Variants in C8orf34 observed in about 807,000 individuals in gnomAD.
C8orf34 encodes the protein uncharacterized protein C8orf34.
In C8orf34, 65 loss-of-function variants were observed where a neutral mutation model predicts 68.3. The ratio of observed to expected loss-of-function variants is 0.95; its 90% CI spans 0.78 to 1.17. The LOEUF (loss-of-function observed/expected upper bound fraction) is 1.17, where lower values mean the gene tolerates loss of function less well. C8orf34 is among the 50% of genes most tolerant of loss of function. The pLI, the probability that C8orf34 is intolerant of heterozygous loss-of-function variation, is 0.00. For synonymous variants in C8orf34, 244 were observed against 241.2 expected, an observed-to-expected ratio of 1.01 and a Z score of -0.11; for missense variants, 664 against 655.4, an observed-to-expected ratio of 1.01 and a Z score of -0.14.
chr8:68,427,941 T>A (rs1031836399), intron 1 of C8orf34, among the ~76,000 whole-genome samples: 8 of 147,962 alleles, frequency 5.4e-5, no homozygotes, highest in Non-Finnish European at 1.2e-4. Flanking sequence ...TCATCCTTAT[T>A]ATATATAATA....
chr8:68,791,961 T>C (rs1340217494), intron 12 of C8orf34: 2 of 152,246 alleles, frequency 1.3e-5, no homozygotes, highest in Non-Finnish European at 2.9e-5. Flanking sequence ...CTCTCAGCTC[T>C]GTACTTTGGT....
intron 12 of C8orf34, among the ~76,000 whole-genome samples, chr8:68,807,728 A>G (rs1248106861): frequency 6.6e-6 from 1 of 152,198 alleles, no homozygotes; most frequent in African/African-American, 2.4e-5. Flanking sequence ...AGATAATTTG[A>G]GGCCTAGGAT....
At chr8:68,555,887 C>T (rs575404944) in intron 7 of C8orf34, among the ~76,000 whole-genome samples, 2 of 152,116 alleles carry the variant, frequency 1.3e-5, no homozygotes, top group Admixed American at 6.5e-5. Flanking sequence ...CAGATTTACA[C>T]TATTACCCTA....
At chr8:68,727,361 G>A (rs998444781) in intron 10 of C8orf34, among the ~76,000 whole-genome samples, 1 of 152,150 alleles carries the variant, frequency 6.6e-6, no homozygotes, top group African/African-American at 2.4e-5. Context: ...GGCTTTGCAG[G>A]GCACACCCTC....
chr8:68,355,707 T>C (rs1806717342), intron 1 of C8orf34, among the ~76,000 whole-genome samples: 1 of 152,136 alleles, frequency 6.6e-6, no homozygotes, highest in Non-Finnish European at 1.5e-5. Context: ...AGAGCAGTAC[T>C]GGGCAGGGCA....
chr8:68,494,947 C>A (rs567779160), intron 5 of C8orf34, among the ~76,000 whole-genome samples: 2 of 150,502 alleles, frequency 1.3e-5, no homozygotes, highest in East Asian at 3.9e-4. Flanking sequence ...TATTTGTGTG[C>A]GTGTATATGT....
chr8:68,550,699 CT>C lies in C8orf34; in HGVS notation c.1105+17557del, dbSNP rs1289669772. Among the ~76,000 whole-genome samples, 4 of 151,446 alleles carry C rather than the reference CT, an allele frequency of 2.6e-5. No homozygotes were observed. The East Asian group carries it at 5.8e-4, about 22-fold the overall frequency. On this transcript the variant is annotated intron_variant, in intron 7 of 13. Transcript: ENST00000518698. ...TCAATTTTAATTGGTCTAAGAAAGTCTTTTTTTCTCCTTCAGTTTTAAAGGA... is the reference window on the plus strand; with the variant it reads ...TCAATTTTAATTGGTCTAAGAAAGTCTTTTTTCTCCTTCAGTTTTAAAGGA...
At chr8:68,740,144 A>G (rs1007940723) in intron 10 of C8orf34, among the ~76,000 whole-genome samples, 1 of 152,330 alleles carries the variant, frequency 6.6e-6, no homozygotes, top group East Asian at 1.9e-4. Flanking sequence ...TCAAAATTAT[A>G]AAAATTCTGG....
chr8:68,592,542 G>GT (rs1470219722), intron 7 of C8orf34, among the ~76,000 whole-genome samples: 3 of 143,330 alleles, frequency 2.1e-5, no homozygotes, highest in Non-Finnish European at 4.6e-5. Flanking sequence ...ACTTCTGTTA[G>GT]TTTTTTTCTG....
intron 5 of C8orf34, among the ~76,000 whole-genome samples, chr8:68,515,452 T>C (rs1814471067): frequency 1.3e-5 from 2 of 151,954 alleles, no homozygotes; most frequent in African/African-American, 4.8e-5. Context: ...ATCAGCAAGA[T>C]TGGCCTGTGT....
chr8:68,766,942 G>T (rs529886346), intron 10 of C8orf34, among the ~76,000 whole-genome samples: 1 of 152,310 alleles, frequency 6.6e-6, no homozygotes, highest in Non-Finnish European at 1.5e-5. Context: ...CTGGCACTTT[G>T]GGAGGCTGAG....
At chr8:68,484,754 C>T (rs1227615288) in intron 4 of C8orf34, among the ~76,000 whole-genome samples, 1 of 152,060 alleles carries the variant, frequency 6.6e-6, no homozygotes. Context: ...CATTAAAATT[C>T]TTTCATCTGC....
At chr8:68,688,884 T>C (rs1820605180) in intron 8 of C8orf34, among the ~76,000 whole-genome samples, 1 of 151,982 alleles carries the variant, frequency 6.6e-6, no homozygotes, top group African/African-American at 2.4e-5. Flanking sequence ...AGTTGGGGCT[T>C]AATACCTACG....
At chr8:68,461,194 A>AT (rs1261554996) in intron 3 of C8orf34, among the ~76,000 whole-genome samples, 1 of 152,260 alleles carries the variant, frequency 6.6e-6, no homozygotes, top group Admixed American at 6.5e-5. Flanking sequence ...CGTATCAGTG[A>AT]TGGAAGACGA....
At chr8:68,712,703 C>T (rs1238096157) in intron 9 of C8orf34, among the ~76,000 whole-genome samples, 5 of 152,044 alleles carry the variant, frequency 3.3e-5, no homozygotes, top group Non-Finnish European at 5.9e-5. Context: ...ACAGTTACCA[C>T]TAGATCTAAG....
intron 1 of C8orf34, among the ~76,000 whole-genome samples, chr8:68,400,549 GTC>G (rs1808905634): frequency 6.6e-6 from 1 of 151,996 alleles, no homozygotes; most frequent in African/African-American, 2.4e-5. Context: ...TGATCTATGT[GTC>G]TGTTTGTCTG....
At chr8:68,711,606 C>T (rs1023875861) in intron 9 of C8orf34, among the ~76,000 whole-genome samples, 1 of 151,944 alleles carries the variant, frequency 6.6e-6, no homozygotes, top group Non-Finnish European at 1.5e-5. Context: ...TTAACCCAAT[C>T]CATCAAAGAC....
intron 10 of C8orf34, among the ~76,000 whole-genome samples, chr8:68,759,212 A>G (rs1020226980): frequency 1.3e-5 from 2 of 152,178 alleles, no homozygotes; most frequent in African/African-American, 2.4e-5. Context: ...CATTTTACTT[A>G]CAGGAAGAAA....
intron 7 of C8orf34, among the ~76,000 whole-genome samples, chr8:68,616,471 G>A (rs1451368463): frequency 3.3e-5 from 5 of 152,178 alleles, no homozygotes; most frequent in African/African-American, 4.8e-5. Flanking sequence ...ATGTGTCCCA[G>A]AGATTCTGGC....
Sources: gnomAD v4.1 joint callset for allele counts (sites outside exome capture counted in the v4.1 genomes callset) on GRCh38, gnomAD v4.1.1 for gene constraint, MANE v1.5 for transcripts, NCBI Gene and HGNC (gene_info 2026-07-23, HGNC 2026-07-21) for gene names.